The following IRF5 variants were observed in gnomAD, a reference collection of about 807,000 sequenced individuals.
IRF5 encodes the protein interferon regulatory factor 5.
Under a neutral mutation model 55.1 loss-of-function variants are expected in IRF5, and 24 were observed. That is an observed-to-expected ratio of 0.44 (90% CI 0.32 to 0.61). IRF5 has a LOEUF of 0.61. IRF5 is among the 20% of genes least tolerant of loss of function. The probability of loss-of-function intolerance (pLI) is 0.07; values close to 1 mark genes in which losing one functional copy is unlikely to be tolerated. For synonymous variants in IRF5, 258 were observed against 260.2 expected (o/e 0.99, Z 0.08); for missense variants, 499 against 658.5 (o/e 0.76, Z 2.65).
chr7:128,942,048 T>G (rs1281958484), intron 1 of IRF5, 23 bp from the exon 2 acceptor site: 1 of 1,561,702 alleles, frequency 6.4e-7, no homozygotes, highest in South Asian at 1.2e-5. Context: ...CTGCTGAGGC[T>G]CCCCTCTGGC....
intron 2 of IRF5, among the ~76,000 whole-genome samples, 179 bp downstream of exon 2, chr7:128,942,455 C>CT (rs555885372): frequency 0.1 from 14,999 of 144,294 alleles, 775 homozygotes; most frequent in East Asian, 0.14. Flanking sequence ...CACCTTTTTC[C>CT]TTTTTTTTTT....
Position 128,949,940 on chromosome 7 carries a change from A to C in IRF5, c.*1122A>C, listed in dbSNP as rs749492043. On this transcript the variant is annotated 3_prime_UTR_variant, in exon 9 of 9. Transcript: ENST00000357234. ...GCCCACTTTCTGCCTTCAGCCATTG[A>C]GTGGAAGCTGCCCCAGGCCCTTACC... 1 of 152,150 alleles carries C rather than the reference A, an allele frequency of 6.6e-6. No homozygotes were observed. The highest frequency in any genetic ancestry group is 6.5e-5 in the Admixed American group (1 of 15,274). 9.4% of individuals were successfully genotyped at this position (152,150 alleles called of 1,614,324 possible).
intron 2 of IRF5, among the ~76,000 whole-genome samples, chr7:128,943,375 T>A (rs1796134132): frequency 6.8e-6 from 1 of 147,626 alleles, no homozygotes; most frequent in Non-Finnish European, 1.5e-5. Context: ...ACATATATAC[T>A]CTTTTTTTTT....
chr7:128,940,704 C>G (rs968906382), intron 1 of IRF5: 6 of 152,624 alleles, frequency 3.9e-5, no homozygotes, highest in African/African-American at 1.4e-4. Flanking sequence ...TGTTCTGAGG[C>G]CAGGGCAGGG....
Position 128,948,934 on chromosome 7 carries a change from C to A in IRF5, c.*116C>A. On this transcript the variant is annotated 3_prime_UTR_variant, in exon 9 of 9. Coordinates refer to ENST00000357234, the MANE Select transcript of IRF5 (RefSeq NM_001098629.3). The surrounding 1 kb of genome is among the most constrained non-coding windows in gnomAD (Gnocchi z 4.6). ...CTGCAGGGTCCTACCTCTGGGTTTC[C>A]TGGAAGTGGATTTGGGCCAAGAAGG... 4 of 1,315,440 alleles carry A rather than the reference C, an allele frequency of 3.0e-6. No homozygotes were observed. The highest frequency in any genetic ancestry group is 4.1e-6 in the Non-Finnish European group (4 of 970,896). The allele number at this position is 1,315,440 out of a possible 1,614,324, so 81.5% of individuals were successfully genotyped here.
In IRF5 at chr7:128,948,044, C is replaced by T; in HGVS notation, c.1103C>T (p.Ser368Leu). Reference protein sequence around the residue: ...CKVFWSGPCASAHDSCPNPIQ... With the variant: ...CKVFWSGPCALAHDSCPNPIQ... ...GTGTTCTGGAGCGGGCCTTGTGCCT[C>T]AGCCCATGACTCATGCCCCAACCCC... Residue 368 changes from serine (S) to leucine (L), a missense_variant, in exon 7 of 9, where the codon TCA becomes TTA. Physicochemically the swap from Ser to Leu is moderately radical, Grantham distance 145. This residue lies in a region of IRF5 where 194 missense variants were observed against 318.3 expected (regional missense o/e 0.61). Coordinates refer to ENST00000357234, the MANE Select transcript of IRF5 (RefSeq NM_001098629.3). This position sits in a 1 kb window ranked among gnomAD's most constrained non-coding sequence, Gnocchi z 4.6. 2 of 1,614,178 alleles carry T rather than the reference C, an allele frequency of 1.2e-6. No individual in the cohort carries two copies. Among genetic ancestry groups the T allele is most frequent in the South Asian group, 1.1e-5 (1 of 91,082 alleles).
At chr7:128,940,571 G>GA (rs1225394426) in intron 1 of IRF5, 1 of 152,904 alleles carries the variant, frequency 6.5e-6, no homozygotes, top group Non-Finnish European at 1.5e-5. Flanking sequence ...TGGTCTGGGG[G>GA]ACCCACTCGG....
chr7:128,945,990 C>T lies in IRF5; in HGVS notation c.341C>T (p.Pro114Leu), dbSNP rs749003004. The T allele has an allele frequency of 3.7e-6, 6 of 1,611,728 alleles. No individual in the cohort carries two copies. Among genetic ancestry groups the T allele is most frequent in the Non-Finnish European group, 4.2e-6 (5 of 1,179,400 alleles). ...YDGPRDMPPQ[P>L]YKIYEVCSNG... ...GGGCCCCGGGACATGCCACCTCAGC[C>T]CTACAAGATCTACGAGGTCTGCTCC... Residue 114 changes from proline (P) to leucine (L), a missense_variant, in exon 3 of 9, where the codon CCC becomes CTC. Coordinates refer to ENST00000357234, the MANE Select transcript of IRF5 (RefSeq NM_001098629.3).
At position 128,947,626 on chromosome 7, in the gene IRF5, T is replaced by G. The variant is rs1159121188; in HGVS notation, c.787+91T>G. The G allele has an allele frequency of 6.0e-6, 9 of 1,508,474 alleles. No homozygotes were observed. In the African/African-American group the frequency reaches 1.2e-4, roughly 21 times the overall value. The allele number at this position is 1,508,474 out of a possible 1,614,324, so 93.4% of individuals were successfully genotyped here. On this transcript the variant is annotated intron_variant, in intron 6 of 8. Transcript: ENST00000357234. This position sits in a 1 kb window ranked among gnomAD's most constrained non-coding sequence, Gnocchi z 6.5. ...GTGGAGGGTGCTGGACTCCCTTGGG[T>G]GGGAAAAGTGGGAGGGCGGATGGGG...
rs909284176 is a variant in IRF5 at position 128,949,054 on chromosome 7, G to T, written c.*236G>T. On this transcript the variant is annotated 3_prime_UTR_variant, in exon 9 of 9. Transcript: ENST00000357234. ...CCTGGCTCTCGGGAAATTCAGCCAT[G>T]AGCAGGGAAAGAACTCTCCCAACCC... 1.8e-6 allele frequency: 1 copy of T among 557,718 alleles called. No individual in the cohort carries two copies. The highest frequency in any genetic ancestry group is 3.1e-5 in the Admixed American group (1 of 32,092). 34.5% of individuals were successfully genotyped at this position (557,718 alleles called of 1,614,324 possible).
At chr7:128,941,976 AG>A in intron 1 of IRF5, 94 bp from the exon 2 acceptor site, 1 of 885,894 alleles carries the variant, frequency 1.1e-6, no homozygotes, top group Non-Finnish European at 1.7e-6. Flanking sequence ...TGGACTGGAG[AG>A]ACCATCCTTT....
chr7:128,944,040 A>G (rs895680006), intron 2 of IRF5, among the ~76,000 whole-genome samples: 11 of 152,224 alleles, frequency 7.2e-5, no homozygotes, highest in South Asian at 4.1e-4. Flanking sequence ...TGTACCTCGC[A>G]TAATAGTTTT....
chr7:128,947,718 C>G lies in IRF5; in HGVS notation c.788-11C>G. On this transcript the variant is annotated splice_polypyrimidine_tract_variant and intron_variant, in intron 6 of 8. Transcript: ENST00000357234. This position sits in a 1 kb window ranked among gnomAD's most constrained non-coding sequence, Gnocchi z 6.5. ...CTCAAGGACGGGATGGGCCTGCCTT[C>G]TGCCCCACAGTGACCGACCTGGAGA... The G allele has an allele frequency of 3.8e-6, 6 of 1,591,842 alleles. No individual in the cohort carries two copies. Among genetic ancestry groups the G allele is most frequent in the Non-Finnish European group, 5.1e-6 (6 of 1,172,394 alleles).
chr7:128,939,625 C>A (rs1322303387), intron 1 of IRF5, among the ~76,000 whole-genome samples: 1 of 152,170 alleles, frequency 6.6e-6, no homozygotes. Context: ...ACTTCCTCCC[C>A]TAGTGGGTCC....
chr7:128,945,891 C>T lies in IRF5; in HGVS notation c.242C>T (p.Ala81Val). The stretch of plus-strand genomic sequence containing the variant: ...AAATACACCGAAGGCGTGGATGAAG[C>T]CGATCCGGCCAAGTGGAAGGCCAAC... ...TGKYTEGVDE[A>V]DPAKWKANLR... Residue 81 changes from alanine (A) to valine (V), a missense_variant, in exon 3 of 9, where the codon GCC becomes GTC. Ala to Val is a moderately conservative substitution (Grantham distance 64). Around this residue, in one of 2 missense-constraint regions of IRF5, gnomAD observed 305 missense variants for 340.2 expected, o/e 0.90. Transcript: ENST00000357234. 1 of 1,613,360 alleles carries T rather than the reference C, an allele frequency of 6.2e-7. No individual in the cohort carries two copies. Among genetic ancestry groups the T allele is most frequent in the Non-Finnish European group, 8.5e-7 (1 of 1,179,826 alleles).
Position 128,949,664 on chromosome 7 carries a change from T to A in IRF5, c.*846T>A, listed in dbSNP as rs1298654546. ...AAAACTGTCAGAATCAGTTTTCCCATAAAAGGGTGGGCTAGCATTGCAGCT... is the reference window on the plus strand; with the variant it reads ...AAAACTGTCAGAATCAGTTTTCCCAAAAAAGGGTGGGCTAGCATTGCAGCT... On this transcript the variant is annotated 3_prime_UTR_variant, in exon 9 of 9. Coordinates refer to ENST00000357234, the MANE Select transcript of IRF5 (RefSeq NM_001098629.3). The A allele has an allele frequency of 6.6e-6, 1 of 152,212 alleles. No homozygotes were observed. The highest frequency in any genetic ancestry group is 1.5e-5 in the Non-Finnish European group (1 of 68,036). The allele number at this position is 152,212 out of a possible 1,614,324, so 9.4% of individuals were successfully genotyped here. A position where few individuals can be genotyped will look rare whatever the true frequency, so the allele number is the denominator to read the frequency against.
chr7:128,945,269 T>C (rs1436182860), intron 2 of IRF5, among the ~76,000 whole-genome samples: 1 of 152,168 alleles, frequency 6.6e-6, no homozygotes, highest in Non-Finnish European at 1.5e-5. Context: ...CCCACCACTA[T>C]GCCCAGCTAA....
At chr7:128,945,388 G>A (rs1269769047) in intron 2 of IRF5, among the ~76,000 whole-genome samples, 1 of 152,116 alleles carries the variant, frequency 6.6e-6, no homozygotes, top group Non-Finnish European at 1.5e-5. Flanking sequence ...TTACAGGTGC[G>A]AGCCACTGTG....
rs1258316643 is a variant in IRF5, at chr7:128,946,932, G to A, written c.448-91G>A. 6 of 1,510,850 alleles carry A rather than the reference G, an allele frequency of 4.0e-6. No individual in the cohort carries two copies. Among genetic ancestry groups the A allele is most frequent in the Non-Finnish European group, 5.5e-6 (6 of 1,088,106 alleles). The allele number at this position is 1,510,850 out of a possible 1,614,324, so 93.6% of individuals were successfully genotyped here. On this transcript the variant is annotated intron_variant, in intron 4 of 8. Coordinates refer to ENST00000357234, the MANE Select transcript of IRF5 (RefSeq NM_001098629.3). This position sits in a 1 kb window ranked among gnomAD's most constrained non-coding sequence, Gnocchi z 4.2. The stretch of plus-strand genomic sequence containing the variant: ...CTAGGGGAGTTGCCTCATAGTTCTC[G>A]CCTGTTATTTCCCCAGCCCCAGGTC...
Sources: allele counts gnomAD v4.1 joint callset (sites outside exome capture counted in the v4.1 genomes callset), GRCh38; gene constraint gnomAD v4.1.1; regional missense constraint gnomAD v4.1.1; non-coding constraint Gnocchi (gnomAD v3.1); transcripts MANE v1.5; gene names NCBI Gene and HGNC (gene_info 2026-07-23, HGNC 2026-07-21).